The following HERC2 variants were observed in gnomAD, a reference collection of about 807,000 sequenced individuals.
HERC2 encodes HECT and RLD domain containing E3 ubiquitin protein ligase 2, also known as E3 ubiquitin-protein ligase HERC2.
A neutral mutation model predicts 537.7 loss-of-function variants in HERC2; 102 were observed. That is an observed-to-expected ratio of 0.19 (90% CI 0.16 to 0.22). HERC2 has a LOEUF of 0.22. Among genes scored for constraint, HERC2 ranks in the 10% least tolerant of loss-of-function variants. The probability of loss-of-function intolerance (pLI) is 1.00; values close to 1 mark genes in which losing one functional copy is unlikely to be tolerated. For missense variants in HERC2, 4,236 were observed against 6,198.2 expected, an observed-to-expected ratio of 0.68 and a Z score of 10.63; for synonymous variants, 2,224 against 2,466.2, an observed-to-expected ratio of 0.90 and a Z score of 2.91.
At chr15:28,253,948 C>T (rs1018769339) in intron 20 of HERC2, among the ~76,000 whole-genome samples, 2 of 149,894 alleles carry the variant, frequency 1.3e-5, no homozygotes, top group African/African-American at 4.9e-5. Flanking sequence ...GGCAATAGAG[C>T]GAGATTCCGT....
intron 30 of HERC2, among the ~76,000 whole-genome samples, chr15:28,232,567 A>G (rs1167560362): frequency 2.0e-5 from 3 of 151,110 alleles, no homozygotes; most frequent in East Asian, 4.0e-4. Flanking sequence ...AAAAAAAAAG[A>G]ATATAATCAG....
intron 23 of HERC2, among the ~76,000 whole-genome samples, chr15:28,241,547 C>T (rs962800102): frequency 1.6e-4 from 24 of 152,290 alleles, no homozygotes; most frequent in African/African-American, 5.3e-4. Flanking sequence ...GCAGGCCGGG[C>T]GCAGTGGCTC....
intron 85 of HERC2, among the ~76,000 whole-genome samples, chr15:28,123,754 C>T (rs1450986772): frequency 6.6e-6 from 1 of 152,098 alleles, no homozygotes; most frequent in Non-Finnish European, 1.5e-5. Context: ...TTATGAAGGC[C>T]CCACCTCATC....
intron 7 of HERC2, 90 bp from the exon 8 acceptor site, chr15:28,273,094 C>A: frequency 1.1e-6 from 1 of 876,088 alleles, no homozygotes; most frequent in East Asian, 2.5e-5. Flanking sequence ...TACACGCTCC[C>A]TCCAAAGGAA....
rs1005150692 is a variant in HERC2 at position 28,311,178 on chromosome 15, T to C, written c.72+10184A>G. Among the ~76,000 whole-genome samples the C allele has an allele frequency of 1.4e-3, 205 of 149,854 alleles. 1 individual carries two copies. The highest frequency in any genetic ancestry group is 2.2e-3 in the Admixed American group (33 of 15,090). ...CAGGGAAGTACAGTCTTTAAGATTA[T>C]TTCAGGCAGGGCACGGTGGCTCACA... On this transcript the variant is annotated intron_variant, in intron 2 of 92. Coordinates refer to ENST00000261609, the MANE Select transcript of HERC2 (RefSeq NM_004667.6).
chr15:28,214,922 G>C, intron 39 of HERC2, 120 bp from the exon 40 acceptor site: 1 of 769,710 alleles, frequency 1.3e-6, no homozygotes, highest in African/African-American at 1.8e-5. Flanking sequence ...ACCCGGGCTG[G>C]AGTGCAGTGG....
chr15:28,199,762 T>G (rs902992981), intron 48 of HERC2, among the ~76,000 whole-genome samples: 1 of 152,092 alleles, frequency 6.6e-6, no homozygotes, highest in Non-Finnish European at 1.5e-5. Context: ...CTATGAAGCT[T>G]CCTGCCTGAG....
chr15:28,174,477 T>C lies in HERC2; in HGVS notation c.9975A>G (p.Thr3325=). 6.2e-7 allele frequency: 1 copy of C among 1,613,972 alleles called. No homozygotes were observed. Among genetic ancestry groups the C allele is most frequent in the Non-Finnish European group, 8.5e-7 (1 of 1,179,910 alleles). Residue 3325 remains threonine, a synonymous_variant, in exon 65 of 93, where the codon ACA becomes ACG. Transcript: ENST00000261609. ...ACGSSHSVAW[T]TVDVATPSVH... Reference sequence around the variant, plus strand: ...CAGAGGGCGTGGCCACATCCACAGTTGTCCACGCCACACTGTGGGACGACC... The same window carrying C: ...CAGAGGGCGTGGCCACATCCACAGTCGTCCACGCCACACTGTGGGACGACC...
At position 28,141,780 on chromosome 15, in the gene HERC2, C is replaced by T; in HGVS notation, c.11767G>A (p.Asp3923Asn). 1.9e-6 allele frequency: 3 copies of T among 1,614,194 alleles called. No individual in the cohort carries two copies. Among genetic ancestry groups the T allele is most frequent in the Non-Finnish European group, 2.5e-6 (3 of 1,180,034 alleles). Residue 3923 changes from aspartate (D) to asparagine (N), a missense_variant, in exon 77 of 93, where the codon GAC becomes AAC. Around this residue, in one of 27 missense-constraint regions of HERC2, gnomAD observed 156 missense variants for 172.3 expected, o/e 0.91. Coordinates refer to ENST00000261609, the MANE Select transcript of HERC2 (RefSeq NM_004667.6). ...TCGTCTTGCTCTCTTTTAAAAATGT[C>T]ATGGCTCTCATGCAGAACATCCATG... Reference protein sequence around the residue: ...ENMDVLHESHDIFKREQDEQL... With the variant: ...ENMDVLHESHNIFKREQDEQL...
At position 28,139,653 on chromosome 15, in the gene HERC2, A is replaced by G. The variant is rs546515387; in HGVS notation, c.12015+1779T>C. On this transcript the variant is annotated intron_variant, in intron 78 of 92. Coordinates refer to ENST00000261609, the MANE Select transcript of HERC2 (RefSeq NM_004667.6). ...TAGGATCTCCCAAAAATCTAAAACA[A>G]AACTATCACAAACACAAGCCAGATA... Among the ~76,000 whole-genome samples the G allele has an allele frequency of 2.6e-5, 4 of 152,340 alleles. No homozygotes were observed. In the East Asian group the frequency reaches 7.7e-4, roughly 29 times the overall value.
chr15:28,117,909 G>A (rs1215783783), intron 86 of HERC2: 2 of 276,000 alleles, frequency 7.2e-6, no homozygotes, highest in African/African-American at 4.4e-5. Flanking sequence ...GAATCATCTG[G>A]GAAGCCCAGT....
chr15:28,277,827 T>C (rs192752360), intron 5 of HERC2, among the ~76,000 whole-genome samples: 16 of 152,282 alleles, frequency 1.1e-4, no homozygotes, highest in Admixed American at 9.8e-4. Context: ...TGTACAGTCG[T>C]CCCTTGGTAT....
chr15:28,272,303 C>G lies in HERC2; in HGVS notation c.995G>C (p.Gly332Ala). 6.2e-7 allele frequency: 1 copy of G among 1,612,252 alleles called. No homozygotes were observed. The highest frequency in any genetic ancestry group is 8.5e-7 in the Non-Finnish European group (1 of 1,179,242). Residue 332 changes from glycine (G) to alanine (A), a missense_variant, in exon 9 of 93, where the codon GGC becomes GCC. Gly to Ala is a moderately conservative substitution (Grantham distance 60). Coordinates refer to ENST00000261609, the MANE Select transcript of HERC2 (RefSeq NM_004667.6). ...QETDNERSAQGTSAPLLPLLQ... is the reference protein window; with the variant it reads ...QETDNERSAQATSAPLLPLLQ... Reference sequence around the variant, plus strand: ...CAAGGGCAAAAGTGGGGCGCTGGTGCCCTGGGCGGAACGCTCATTGTCAGT... The same window carrying G: ...CAAGGGCAAAAGTGGGGCGCTGGTGGCCTGGGCGGAACGCTCATTGTCAGT...
intron 4 of HERC2, among the ~76,000 whole-genome samples, chr15:28,287,097 C>T (rs1596394347): frequency 1.3e-5 from 2 of 151,826 alleles, no homozygotes; most frequent in Admixed American, 1.3e-4. Context: ...CATAATAAAA[C>T]GTTGGAAAAA....
At chr15:28,235,835 A>AG in intron 26 of HERC2, among the ~76,000 whole-genome samples, 1 of 152,154 alleles carries the variant, frequency 6.6e-6, no homozygotes, top group Non-Finnish European at 1.5e-5. Flanking sequence ...GCACCAGGCA[A>AG]CTGTTCAACA....
chr15:28,207,903 T>C (rs182757838), intron 44 of HERC2, among the ~76,000 whole-genome samples: 3,068 of 151,850 alleles, frequency 0.02, 95 homozygotes, highest in African/African-American at 0.071. Context: ...GTGGTGTGTC[T>C]GTGTTCCCAT....
intron 55 of HERC2, among the ~76,000 whole-genome samples, chr15:28,188,524 A>G (rs1896532901): frequency 6.6e-6 from 1 of 150,790 alleles, no homozygotes; most frequent in African/African-American, 2.5e-5. Context: ...AGCCTGGGTG[A>G]CAGAGTGAGA....
intron 55 of HERC2, among the ~76,000 whole-genome samples, chr15:28,188,281 G>A (rs1484866331): frequency 6.6e-6 from 1 of 152,134 alleles, no homozygotes; most frequent in African/African-American, 2.4e-5. Context: ...GGTGGCTCAC[G>A]CCTGTAATCC....
chr15:28,256,067 C>T, intron 18 of HERC2, 22 bp downstream of exon 18: 1 of 1,603,936 alleles, frequency 6.2e-7, no homozygotes, highest in South Asian at 1.1e-5. Context: ...CATGCCCTCT[C>T]CTGTTCCTTC....
Sources: allele counts gnomAD v4.1 joint callset (sites outside exome capture counted in the v4.1 genomes callset), GRCh38; gene constraint gnomAD v4.1.1; regional missense constraint gnomAD v4.1.1; transcripts MANE v1.5; gene names NCBI Gene and HGNC (gene_info 2026-07-23, HGNC 2026-07-21).